ATP7B: variants seen among roughly 807,000 people sequenced by gnomAD.
ATP7B encodes copper-transporting ATPase 2.
ATP7B carries 113 observed loss-of-function variants against 118.9 expected under a neutral mutation model. That is an observed-to-expected ratio of 0.95 (90% CI 0.82 to 1.11). ATP7B has a LOEUF of 1.11. Among genes scored for constraint, ATP7B ranks in the 50% most tolerant of loss-of-function variants. ATP7B has a pLI of 0.00. For synonymous variants in ATP7B, 777 were observed against 727.4 expected (o/e 1.07, Z -1.10); for missense variants, 1,867 against 1,871.4 (o/e 1.00, Z 0.04).
intron 14 of ATP7B, 75 bp downstream of exon 14, chr13:51,944,034 G>C: frequency 6.3e-7 from 1 of 1,587,414 alleles, no homozygotes; most frequent in Non-Finnish European, 8.6e-7. Flanking sequence ...CTCGAGGGCA[G>C]CTAGGAGAGA....
chr13:51,953,646 T>TACTC (rs1958147442), intron 9 of ATP7B, among the ~76,000 whole-genome samples: 4 of 152,126 alleles, frequency 2.6e-5, no homozygotes, highest in African/African-American at 9.7e-5. Context: ...TGCTGAGCGA[T>TACTC]AGGAACCCTC....
At chr13:51,995,596 C>T (rs1399119172) in intron 1 of ATP7B, among the ~76,000 whole-genome samples, 1 of 152,194 alleles carries the variant, frequency 6.6e-6, no homozygotes, top group Non-Finnish European at 1.5e-5. Context: ...AAGCAGTTCA[C>T]CTTCAGCAGA....
At chr13:51,949,223 C>T (rs889216318) in intron 12 of ATP7B, among the ~76,000 whole-genome samples, 2 of 152,140 alleles carry the variant, frequency 1.3e-5, no homozygotes, top group Non-Finnish European at 2.9e-5. Context: ...AAGCTATTTA[C>T]ATTACTTGGG....
chr13:51,950,110 G>A lies in ATP7B; in HGVS notation c.2627C>T (p.Ser876Phe). ...KKPGSTVIAGSINAHGSVLIK... is the reference protein window; with the variant it reads ...KKPGSTVIAGFINAHGSVLIK... The stretch of plus-strand genomic sequence containing the variant: ...GAGCACAGAGCCATGTGCATTTATA[G>A]ACCCCGCAATTACAGTGCTTCCGGG... Residue 876 changes from serine to phenylalanine, a missense_variant, in exon 11 of 21, where the codon TCT (serine) becomes TTT (phenylalanine). By Grantham distance (155) the Ser-to-Phe change is radical (BLOSUM62 -2). Transcript: ENST00000242839. The A allele has an allele frequency of 6.2e-7, 1 of 1,614,176 alleles. No homozygotes were observed. Among genetic ancestry groups the A allele is most frequent in the South Asian group, 1.1e-5 (1 of 91,082 alleles).
In ATP7B at chr13:51,938,038, T is replaced by C. The variant is rs551140500; in HGVS notation, c.3700-359A>G. 9.2e-5 allele frequency among the ~76,000 whole-genome samples: 14 copies of C among 152,308 alleles called. No homozygotes were observed. In the East Asian group the frequency reaches 2.1e-3, roughly 23 times the overall value. On this transcript the variant is annotated intron_variant, in intron 17 of 20. Transcript: ENST00000242839. The stretch of plus-strand genomic sequence containing the variant: ...CCTGCTTCACATCCAGTAGACCCCA[T>C]GCATCTCCCAGAGGAGGGCAGCTCA...
chr13:51,935,105 C>T (rs770886015), intron 20 of ATP7B, 76 bp from the exon 21 acceptor site: 73 of 1,550,858 alleles, frequency 4.7e-5, no homozygotes, highest in Non-Finnish European at 6.4e-5. Context: ...CTGGTGAAGG[C>T]CTCTCATCCA....
chr13:51,974,556 T>C lies in ATP7B; in HGVS notation c.664A>G (p.Ile222Val), dbSNP rs200866801. 62 of 1,614,196 alleles carry C rather than the reference T, an allele frequency of 3.8e-5. No individual in the cohort carries two copies. The highest frequency in any genetic ancestry group is 3.3e-4 in the Middle Eastern group (2 of 6,062). The change falls in exon 2 of 21, where the codon ATT (isoleucine) becomes GTT (valine). Residue 222 changes from isoleucine to valine, a missense_variant. Transcript: ENST00000242839. ...SKVAPLSLGP[I>V]DIERLQSTNP... ...GTGCTTTGTAACCGCTCAATATCAA[T>C]TGGTCCCAGGCTTAAGGGAGCCACT...
intron 3 of ATP7B, among the ~76,000 whole-genome samples, chr13:51,969,536 T>G (rs115048808): frequency 1.6e-3 from 240 of 152,256 alleles, no homozygotes; most frequent in African/African-American, 5.3e-3. Flanking sequence ...CTAATGACTT[T>G]CAGGTATGAA....
chr13:52,012,095 G>A (rs1326321644), upstream of ATP7B: 1 of 519,330 alleles, frequency 1.9e-6, no homozygotes, highest in East Asian at 3.5e-5. Flanking sequence ...CCGGGAACGG[G>A]GGCGCAGGCG....
At chr13:51,951,893 T>C (rs989364818) in intron 9 of ATP7B, among the ~76,000 whole-genome samples, 3 of 152,066 alleles carry the variant, frequency 2.0e-5, no homozygotes, top group Admixed American at 6.5e-5. Context: ...GAGACTGAAA[T>C]GAGGACTTAA....
At position 51,935,646 on chromosome 13, in the gene ATP7B, C is replaced by T. The variant is rs1182248514; in HGVS notation, c.4071G>A (p.Ala1357=). The change falls in exon 20 of 21, where the codon GCG becomes GCA. Residue 1357 remains alanine (A), a synonymous_variant. Transcript: ENST00000242839. ...GIVLQPWMGS[A]AMAASSVSVV... The stretch of plus-strand genomic sequence containing the variant: ...CAGACACAGAGGAGGCTGCCATGGC[C>T]GCTGAGCCCATCCAGGGCTGCAGCA... The T allele has an allele frequency of 6.8e-6, 11 of 1,613,726 alleles. No homozygotes were observed. Among genetic ancestry groups the T allele is most frequent in the Middle Eastern group, 1.6e-4 (1 of 6,084 alleles).
At chr13:51,997,279 A>G (rs1417720486) in intron 1 of ATP7B, among the ~76,000 whole-genome samples, 1 of 152,208 alleles carries the variant, frequency 6.6e-6, no homozygotes, top group Non-Finnish European at 1.5e-5. Context: ...TCTGGGTGAA[A>G]ATATTCCCCA....
At chr13:51,982,983 C>A (rs1019230167) in intron 1 of ATP7B, among the ~76,000 whole-genome samples, 2 of 152,316 alleles carry the variant, frequency 1.3e-5, no homozygotes, top group Admixed American at 1.3e-4. Context: ...CAAAACTGGA[C>A]AGCCGTTTGG....
chr13:51,993,135 AACAT>A (rs1382926196), intron 1 of ATP7B, among the ~76,000 whole-genome samples: 1 of 152,250 alleles, frequency 6.6e-6, no homozygotes, highest in Non-Finnish European at 1.5e-5. Flanking sequence ...TGTAAACATA[AACAT>A]ACATACACGT....
intron 9 of ATP7B, among the ~76,000 whole-genome samples, chr13:51,955,029 C>T (rs115569537): frequency 3.3e-5 from 5 of 152,134 alleles, no homozygotes; most frequent in African/African-American, 7.2e-5. Flanking sequence ...CCAGACGGAT[C>T]GCACCTAGAA....
intron 1 of ATP7B, 199 bp from the exon 2 acceptor site, chr13:51,975,367 C>G (rs751414864): frequency 1.3e-6 from 1 of 780,620 alleles, no homozygotes; most frequent in South Asian, 1.3e-5. Flanking sequence ...TCTTCTCTGA[C>G]AGAAGCTAAC....
intron 4 of ATP7B, chr13:51,966,751 G>T: frequency 6.3e-7 from 1 of 1,588,326 alleles, no homozygotes; most frequent in Non-Finnish European, 8.6e-7. Context: ...CATGGCCACA[G>T]TTCAGCAGCT....
At chr13:51,975,556 C>T in intron 1 of ATP7B, 1 of 520,418 alleles carries the variant, frequency 1.9e-6, no homozygotes, top group Non-Finnish European at 3.8e-6. Context: ...GAGGTCCCCA[C>T]CTCTGGCTGA....
rs1354302736 is a variant in ATP7B at position 51,932,708 on chromosome 13, T to A, written c.*2048A>T. 1 of 152,252 alleles carries A rather than the reference T, an allele frequency of 6.6e-6. No individual in the cohort carries two copies. The highest frequency in any genetic ancestry group is 6.5e-5 in the Admixed American group (1 of 15,286). 9.4% of individuals were successfully genotyped at this position (152,252 alleles called of 1,614,324 possible). On this transcript the variant is annotated 3_prime_UTR_variant, in exon 21 of 21. Transcript: ENST00000242839. ...ACAGGAACTTTATTCTAATATTGCATGAAATGTTTTTGAAGTAGAAATGAT... is the reference window on the plus strand; with the variant it reads ...ACAGGAACTTTATTCTAATATTGCAAGAAATGTTTTTGAAGTAGAAATGAT...
Sources: allele counts gnomAD v4.1 joint callset (sites outside exome capture counted in the v4.1 genomes callset), GRCh38; gene constraint gnomAD v4.1.1; transcripts MANE v1.5; gene names NCBI Gene and HGNC (gene_info 2026-07-23, HGNC 2026-07-21).